The following TMEM51 variants were observed in gnomAD, a reference collection of about 807,000 sequenced individuals.
The protein encoded by TMEM51 is transmembrane protein 51.
TMEM51 carries 8 observed loss-of-function variants against 13.6 expected under a neutral mutation model. The observed-to-expected ratio is 0.59, with a 90% CI of 0.35 to 1.07. TMEM51 has a LOEUF of 1.07. TMEM51 is among the 50% of genes least tolerant of loss of function. The pLI, the probability that TMEM51 is intolerant of heterozygous loss-of-function variation, is 0.02. For missense variants in TMEM51, 279 were observed against 330.7 expected (o/e 0.84, Z 1.21); for synonymous variants, 147 against 144.4 (o/e 1.02, Z -0.13).
intron 1 of TMEM51, among the ~76,000 whole-genome samples, chr1:15,165,865 G>A (rs1045817685): frequency 6.6e-5 from 10 of 152,098 alleles, no homozygotes; most frequent in Non-Finnish European, 1.5e-4. Flanking sequence ...GTTATACTGG[G>A]AGGTGGAGGT....
At chr1:15,206,330 A>G (rs1009516263) in intron 1 of TMEM51, among the ~76,000 whole-genome samples, 1 of 150,528 alleles carries the variant, frequency 6.6e-6, no homozygotes, top group Non-Finnish European at 1.5e-5. Flanking sequence ...GTCCTGAAAC[A>G]CCTCTGGGAA....
At chr1:15,175,416 TAAATA>T (rs1466128243) in intron 1 of TMEM51, among the ~76,000 whole-genome samples, 1 of 151,886 alleles carries the variant, frequency 6.6e-6, no homozygotes, top group Admixed American at 6.6e-5. Flanking sequence ...ATAAATAAAT[TAAATA>T]AAATAAAATA....
At chr1:15,154,106 A>G (rs970933796) in intron 1 of TMEM51, among the ~76,000 whole-genome samples, 152 bp downstream of exon 1, 26 of 151,378 alleles carry the variant, frequency 1.7e-4, no homozygotes, top group African/African-American at 6.3e-4. Flanking sequence ...GACCACCGGG[A>G]GGACTCCGCA....
At position 15,215,057 on chromosome 1, in the gene TMEM51, T is replaced by C. The variant is rs1290422558; in HGVS notation, c.-31T>C. ...CCTTGTATACATTTATTTTCTTTCT[T>C]GGAACTGGGCCTCGCCCTCCTCCCA... On this transcript the variant is annotated 5_prime_UTR_variant, in exon 3 of 4. Coordinates refer to ENST00000376008, the MANE Select transcript of TMEM51 (RefSeq NM_001136218.2). 6.4e-7 allele frequency: 1 copy of C among 1,573,112 alleles called. No individual in the cohort carries two copies. Among genetic ancestry groups the C allele is most frequent in the Non-Finnish European group, 8.6e-7 (1 of 1,157,268 alleles).
At chr1:15,168,269 T>A (rs146479171) in intron 1 of TMEM51, among the ~76,000 whole-genome samples, 1 of 152,338 alleles carries the variant, frequency 6.6e-6, no homozygotes, top group Non-Finnish European at 1.5e-5. Context: ...AAGCATTCTC[T>A]GTCAAGTATT....
chr1:15,196,043 T>C (rs1434370085), intron 1 of TMEM51, among the ~76,000 whole-genome samples: 1 of 152,210 alleles, frequency 6.6e-6, no homozygotes, highest in Non-Finnish European at 1.5e-5. Context: ...TTTTTATTCC[T>C]GCGACTTTGC....
chr1:15,184,052 C>CT (rs1464518356), intron 1 of TMEM51, among the ~76,000 whole-genome samples: 8 of 152,006 alleles, frequency 5.3e-5, no homozygotes, highest in South Asian at 2.1e-4. Flanking sequence ...TTCCGCCTTT[C>CT]TTTTTTTTGA....
At chr1:15,155,577 T>C (rs1409656116) in intron 1 of TMEM51, among the ~76,000 whole-genome samples, 1 of 152,106 alleles carries the variant, frequency 6.6e-6, no homozygotes, top group Non-Finnish European at 1.5e-5. Flanking sequence ...ATCAGGGAAC[T>C]GGAGTCCCCC....
chr1:15,175,293 G>A lies in TMEM51; in HGVS notation c.-267+21339G>A, dbSNP rs138843667. On this transcript the variant is annotated intron_variant, in intron 1 of 3. Coordinates refer to ENST00000376008, the MANE Select transcript of TMEM51 (RefSeq NM_001136218.2). ...CGAGTGCCTGTAATCCCAGCTATTCGGGAGGCTGAGGAAGGAGAATAGCTT... is the reference window on the plus strand; with the variant it reads ...CGAGTGCCTGTAATCCCAGCTATTCAGGAGGCTGAGGAAGGAGAATAGCTT... Among the ~76,000 whole-genome samples the A allele has an allele frequency of 1.6e-3, 241 of 152,220 alleles. 5 individuals carry two copies. The East Asian group carries it at 0.027, about 17-fold the overall frequency.
At chr1:15,195,388 T>C (rs1238962792) in intron 1 of TMEM51, among the ~76,000 whole-genome samples, 1 of 152,182 alleles carries the variant, frequency 6.6e-6, no homozygotes, top group Non-Finnish European at 1.5e-5. Context: ...GAGATTTTCT[T>C]TTTGTCCTGA....
chr1:15,182,206 A>AACTGACTGACTG (rs1553200261), intron 1 of TMEM51, among the ~76,000 whole-genome samples: 1 of 148,812 alleles, frequency 6.7e-6, no homozygotes, highest in Non-Finnish European at 1.5e-5. Context: ...ATAAATAAAT[A>AACTGACTGACTG]ACTGCACTAG....
intron 2 of TMEM51, among the ~76,000 whole-genome samples, chr1:15,213,169 G>C (rs56089140): frequency 0.075 from 11,420 of 152,290 alleles, 565 homozygotes; most frequent in Middle Eastern, 0.11. Context: ...TCCTTAACTT[G>C]CTCACTGCTG....
In TMEM51 at chr1:15,185,878, A is replaced by G. The variant is rs571836758; in HGVS notation, c.-266-24612A>G. 8.5e-5 allele frequency among the ~76,000 whole-genome samples: 13 copies of G among 152,326 alleles called. No homozygotes were observed. The South Asian group carries it at 1.0e-3, about 12-fold the overall frequency. ...TGCTGTAGCCTGTGGCCATCCTCCT[A>G]TTATCCATGCTGTCATCCTTTTAAA... On this transcript the variant is annotated intron_variant, in intron 1 of 3. Transcript: ENST00000376008.
At chr1:15,172,387 C>CAAAAAAAAA (rs34718626) in intron 1 of TMEM51, among the ~76,000 whole-genome samples, 1 of 75,220 alleles carries the variant, frequency 1.3e-5, no homozygotes, top group Non-Finnish European at 2.4e-5. Flanking sequence ...GACCCTGTCT[C>CAAAAAAAAA]AAAAAAAAAA....
chr1:15,172,465 GAGAA>G (rs1643315623), intron 1 of TMEM51, among the ~76,000 whole-genome samples: 1 of 149,698 alleles, frequency 6.7e-6, no homozygotes, highest in Non-Finnish European at 1.5e-5. Context: ...GAAGGAGAGA[GAGAA>G]AGAAGAAAAA....
chr1:15,155,335 C>CA (rs1642553670), intron 1 of TMEM51, among the ~76,000 whole-genome samples: 1 of 152,192 alleles, frequency 6.6e-6, no homozygotes, highest in South Asian at 2.1e-4. Context: ...AAAAGTGTTG[C>CA]AGAATTGGCG....
At chr1:15,165,343 C>T (rs1642957964) in intron 1 of TMEM51, among the ~76,000 whole-genome samples, 1 of 151,648 alleles carries the variant, frequency 6.6e-6, no homozygotes, top group Admixed American at 6.6e-5. Context: ...CCAATTAGTA[C>T]ATGGGAAAAA....
In TMEM51 at chr1:15,199,053, G is replaced by A. The variant is rs76396819; in HGVS notation, c.-266-11437G>A. Among the ~76,000 whole-genome samples the A allele has an allele frequency of 2.1e-3, 324 of 152,260 alleles. 2 individuals are homozygous for A. Among genetic ancestry groups the A allele is most frequent in the African/African-American group, 7.5e-3 (312 of 41,556 alleles). ...GAAGTTTCACCAGGGCTTCTCTATA[G>A]ACAGTGAGGCCACTTCTGAATGCCA... On this transcript the variant is annotated intron_variant, in intron 1 of 3. Transcript: ENST00000376008.
At chr1:15,166,833 C>T (rs867940016) in intron 1 of TMEM51, among the ~76,000 whole-genome samples, 25 of 152,180 alleles carry the variant, frequency 1.6e-4, no homozygotes, top group African/African-American at 6.0e-4. Flanking sequence ...CATGTAACCA[C>T]CACCACAATC....
Sources: gnomAD v4.1 joint callset for allele counts (sites outside exome capture counted in the v4.1 genomes callset) on GRCh38, gnomAD v4.1.1 for gene constraint, MANE v1.5 for transcripts, NCBI Gene and HGNC (gene_info 2026-07-23, HGNC 2026-07-21) for gene names.